Variants in RMI1 observed in about 807,000 individuals in gnomAD.
RMI1 encodes RecQ mediated genome instability 1.
A neutral mutation model predicts 46.7 loss-of-function variants in RMI1; 36 were observed. The ratio of observed to expected loss-of-function variants is 0.77; its 90% CI spans 0.59 to 1.02. RMI1 has a LOEUF of 1.02. RMI1 is among the 50% of genes least tolerant of loss of function. The probability of loss-of-function intolerance (pLI) is 0.00; values close to 1 mark genes in which losing one functional copy is unlikely to be tolerated. For synonymous variants in RMI1, 250 were observed against 252.9 expected (o/e 0.99, Z 0.11); for missense variants, 676 against 713.7 (o/e 0.95, Z 0.60).
rs566395149 is a variant in RMI1, at chr9:83,994,406, A to C, written c.-125-5303A>C. ...GTCATGAAGCTTTTTCCCTATGTTT[A>C]CTTCTAGGAATTTTATAGTTTCAGG... On this transcript the variant is annotated intron_variant, in intron 1 of 2. Coordinates refer to ENST00000445877, the MANE Select transcript of RMI1 (RefSeq NM_001358291.2). Among the ~76,000 whole-genome samples, 3 of 152,252 alleles carry C rather than the reference A, an allele frequency of 2.0e-5. No individual in the cohort carries two copies. The East Asian group carries it at 5.8e-4, about 29-fold the overall frequency.
At position 84,001,333 on chromosome 9, in the gene RMI1, T is replaced by A. The variant is rs1169050064; in HGVS notation, c.347T>A (p.Val116Asp). 9 of 1,614,106 alleles carry A rather than the reference T, an allele frequency of 5.6e-6. No homozygotes were observed. The highest frequency in any genetic ancestry group is 7.6e-6 in the Non-Finnish European group (9 of 1,179,986). ...LRGKNTTNDL[V>D]TAEAQVTPKP... ...GGAAAGAATACAACAAATGATCTAG[T>A]TACAGCTGAAGCACAAGTAACCCCA... Residue 116 changes from valine to aspartate, a missense_variant, in exon 3 of 3, where the codon GTT becomes GAT. Physicochemically the swap from Val to Asp is radical, Grantham distance 152. Coordinates refer to ENST00000445877, the MANE Select transcript of RMI1 (RefSeq NM_001358291.2).
In RMI1 at chr9:84,001,044, G is replaced by T. The variant is rs763620446; in HGVS notation, c.58G>T (p.Val20Phe). The T allele has an allele frequency of 1.1e-5, 18 of 1,613,918 alleles. No homozygotes were observed. The East Asian group carries it at 3.6e-4, about 32-fold the overall frequency. ...AETWLLAAWH[V>F]KVPPMWLEAC... ...AACTTGGCTTTTAGCTGCATGGCAT[G>T]TTAAAGTACCTCCGATGTGGCTGGA... The change falls in exon 3 of 3, where the codon GTT (valine) becomes TTT (phenylalanine). Residue 20 changes from valine (V) to phenylalanine (F), a missense_variant. Val to Phe is a conservative substitution (Grantham distance 50). Coordinates refer to ENST00000445877, the MANE Select transcript of RMI1 (RefSeq NM_001358291.2).
chr9:83,997,372 A>G (rs1319050185), intron 1 of RMI1, among the ~76,000 whole-genome samples: 1 of 151,410 alleles, frequency 6.6e-6, no homozygotes, highest in Non-Finnish European at 1.5e-5. Context: ...TGGCCTCCCA[A>G]AGTGCTGGGA....
At chr9:83,995,221 G>A (rs1957632084) in intron 1 of RMI1, among the ~76,000 whole-genome samples, 1 of 151,954 alleles carries the variant, frequency 6.6e-6, no homozygotes, top group Non-Finnish European at 1.5e-5. Context: ...GGGTGGTCTT[G>A]AACTCCTGAC....
rs535636091 is a variant in RMI1 at position 83,983,914 on chromosome 9, T to G, written c.-126+3023T>G. ...GTATTTCTTTGTCATTAAATAATTC[T>G]TAAAAATGGTTTCTTTAAAGATTTC... On this transcript the variant is annotated intron_variant, in intron 1 of 2. Transcript: ENST00000445877. 1.4e-4 allele frequency among the ~76,000 whole-genome samples: 22 copies of G among 152,354 alleles called. No individual in the cohort carries two copies. The South Asian group carries it at 2.5e-3, about 17-fold the overall frequency.
rs772859946 is a variant in RMI1 at position 84,002,786 on chromosome 9, G to A, written c.1800G>A (p.Leu600=). 21 of 1,611,706 alleles carry A rather than the reference G, an allele frequency of 1.3e-5. No individual in the cohort carries two copies. Among genetic ancestry groups the A allele is most frequent in the Non-Finnish European group, 1.6e-5 (19 of 1,178,088 alleles). ...CLMTISFNPS[L]SKAMVLALQD... is the part of the protein sequence containing the mutation. ...TGACTATTTCATTTAATCCTTCCTT[G>A]TCTAAAGCAATGGTACTGGCATTAC... The change falls in exon 3 of 3, where the codon TTG becomes TTA. Residue 600 remains leucine, a synonymous_variant. Coordinates refer to ENST00000445877, the MANE Select transcript of RMI1 (RefSeq NM_001358291.2).
Position 84,001,671 on chromosome 9 carries a change from A to G in RMI1, c.685A>G (p.Ile229Val). ...CATACCAAACAATTCTAACGAAAACATTCCCAGAGTTACAGATGTTCTAGA... is the reference window on the plus strand; with the variant it reads ...CATACCAAACAATTCTAACGAAAACGTTCCCAGAGTTACAGATGTTCTAGA... ...SVIPNNSNENIPRVTDVLDPA... is the reference protein window; with the variant it reads ...SVIPNNSNENVPRVTDVLDPA... Residue 229 changes from isoleucine (I) to valine (V), a missense_variant, in exon 3 of 3, where the codon ATT (isoleucine) becomes GTT (valine). Physicochemically the swap from Ile to Val is conservative, Grantham distance 29. Coordinates refer to ENST00000445877, the MANE Select transcript of RMI1 (RefSeq NM_001358291.2). 1.2e-6 allele frequency: 2 copies of G among 1,614,008 alleles called. No homozygotes were observed. The highest frequency in any genetic ancestry group is 1.7e-6 in the Non-Finnish European group (2 of 1,179,964).
chr9:83,997,373 A>G (rs867725977), intron 1 of RMI1, among the ~76,000 whole-genome samples: 1 of 151,782 alleles, frequency 6.6e-6, no homozygotes, highest in South Asian at 2.1e-4. Flanking sequence ...GGCCTCCCAA[A>G]GTGCTGGGAT....
Position 84,002,336 on chromosome 9 carries a change from T to G in RMI1, c.1350T>G (p.Tyr450Ter). 6.2e-7 allele frequency: 1 copy of G among 1,603,326 alleles called. No individual in the cohort carries two copies. The highest frequency in any genetic ancestry group is 1.1e-5 in the South Asian group (1 of 90,796). Reference protein sequence around the residue: ...NKILNREVVNYVQKRNSQISN... With the variant: ...NKILNREVVN The stretch of plus-strand genomic sequence containing the variant: ...TATTAAATAGAGAGGTGGTCAACTA[T>G]GTACAGAAAAGGAATTCACAAATTT... Residue 450 changes from tyrosine (Y) to a stop codon, truncating the protein, a stop_gained, in exon 3 of 3, where the codon TAT becomes TAG. Coordinates refer to ENST00000445877, the MANE Select transcript of RMI1 (RefSeq NM_001358291.2). LOFTEE classifies it high-confidence loss of function.
intron 1 of RMI1, among the ~76,000 whole-genome samples, chr9:83,997,070 G>A (rs1957665684): frequency 6.7e-6 from 1 of 149,844 alleles, no homozygotes; most frequent in Admixed American, 6.7e-5. Flanking sequence ...CAGGGCTCTG[G>A]GTGGTTTTAA....
chr9:83,997,107 C>CTT lies in RMI1; in HGVS notation c.-125-2602_-125-2601insTT, dbSNP rs375763717. On this transcript the variant is annotated intron_variant, in intron 1 of 2. Coordinates refer to ENST00000445877, the MANE Select transcript of RMI1 (RefSeq NM_001358291.2). ...GGTAGAGGTAAGTCCAACACCCCCC[C>CTT]CTTTTTTTTTTTTTTTTTTTTGAGA... Among the ~76,000 whole-genome samples the CTT allele has an allele frequency of 9.2e-3, 845 of 92,282 alleles. 11 individuals carry two copies. The highest frequency in any genetic ancestry group is 0.014 in the East Asian group (32 of 2,292). 60.5% of individuals were successfully genotyped at this position (92,282 alleles called of 152,430 possible).
rs1379938923 is a variant in RMI1 at position 84,002,949 on chromosome 9, G to A, written c.*85G>A. The stretch of plus-strand genomic sequence containing the variant: ...CACAATTTTACTTATGATACTTTGT[G>A]TAAAAAGGAAAAATGAAATTTCATA... On this transcript the variant is annotated 3_prime_UTR_variant, in exon 3 of 3. Transcript: ENST00000445877. 3 of 821,474 alleles carry A rather than the reference G, an allele frequency of 3.7e-6. No homozygotes were observed. Among genetic ancestry groups the A allele is most frequent in the East Asian group, 2.8e-5 (1 of 36,218 alleles). 50.9% of individuals were successfully genotyped at this position (821,474 alleles called of 1,614,324 possible). A position where few individuals can be genotyped will look rare whatever the true frequency, so the allele number is the denominator to read the frequency against.
intron 1 of RMI1, among the ~76,000 whole-genome samples, chr9:83,997,902 C>T (rs1208926771): frequency 6.6e-6 from 1 of 151,440 alleles, no homozygotes; most frequent in African/African-American, 2.4e-5. Context: ...CTCAAGCAGT[C>T]CTCCCACCTC....
At chr9:83,985,400 A>T (rs534889861) in intron 1 of RMI1, among the ~76,000 whole-genome samples, 126 of 152,330 alleles carry the variant, frequency 8.3e-4, no homozygotes, top group Non-Finnish European at 1.5e-3. Context: ...ACTTTTTGGT[A>T]AAATATTTGA....
chr9:83,987,119 A>G (rs190005886), intron 1 of RMI1, among the ~76,000 whole-genome samples: 1 of 151,842 alleles, frequency 6.6e-6, no homozygotes, highest in Non-Finnish European at 1.5e-5. Flanking sequence ...GCTGGAGTGC[A>G]GTGGGAAACC....
chr9:84,000,288 G>A (rs982115992), intron 2 of RMI1, among the ~76,000 whole-genome samples: 1 of 151,972 alleles, frequency 6.6e-6, no homozygotes, highest in Non-Finnish European at 1.5e-5. Flanking sequence ...AGTCAACCAA[G>A]GTCTGAAAAT....
intron 1 of RMI1, among the ~76,000 whole-genome samples, chr9:83,991,909 A>T (rs1451193933): frequency 6.6e-6 from 1 of 152,208 alleles, no homozygotes; most frequent in South Asian, 2.1e-4. Context: ...TCGATGTTAT[A>T]TAGTGTGAAT....
intron 1 of RMI1, among the ~76,000 whole-genome samples, chr9:83,996,674 C>T (rs570730331): frequency 3.9e-5 from 6 of 152,068 alleles, no homozygotes; most frequent in South Asian, 4.2e-4. Flanking sequence ...TAGATTAGTT[C>T]GTTCTTGTTC....
chr9:83,997,912 C>T (rs1295792299), intron 1 of RMI1, among the ~76,000 whole-genome samples: 1 of 151,696 alleles, frequency 6.6e-6, no homozygotes, highest in Non-Finnish European at 1.5e-5. Context: ...CCTCCCACCT[C>T]AGTCTCCCTA....
Sources: gnomAD v4.1 joint callset for allele counts (sites outside exome capture counted in the v4.1 genomes callset) on GRCh38, gnomAD v4.1.1 for gene constraint, MANE v1.5 for transcripts, NCBI Gene and HGNC (gene_info 2026-07-23, HGNC 2026-07-21) for gene names.